The following RFX1 variants were observed in gnomAD, a reference collection of about 807,000 sequenced individuals.
The protein encoded by RFX1 is regulatory factor X1.
RFX1 carries 42 observed loss-of-function variants against 119.6 expected under a neutral mutation model. The ratio of observed to expected loss-of-function variants is 0.35; its 90% CI spans 0.27 to 0.45. The LOEUF is 0.45. Ranked by LOEUF, RFX1 falls within the 20% of genes least tolerant of loss-of-function variation. The pLI is 1.00. For synonymous variants in RFX1, 628 were observed against 618.5 expected (o/e 1.02, Z -0.23); for missense variants, 1,118 against 1,368.1 (o/e 0.82, Z 2.88).
At chr19:14,003,369 C>G (rs1459125338) in intron 1 of RFX1, among the ~76,000 whole-genome samples, 2 of 152,158 alleles carry the variant, frequency 1.3e-5, no homozygotes, top group Non-Finnish European at 2.9e-5. Context: ...TTTCCCACTA[C>G]AAACTGGATC....
chr19:13,963,100 C>G, intron 19 of RFX1, 22 bp downstream of exon 19: 1 of 1,609,866 alleles, frequency 6.2e-7, no homozygotes, highest in Non-Finnish European at 8.5e-7. Context: ...CGCCCGCGCC[C>G]CCAGTGGCCC....
rs759562858 is a variant in RFX1 at position 13,993,543 on chromosome 19, T to C, written c.301A>G (p.Ile101Val). Residue 101 changes from isoleucine (I) to valine (V), a missense_variant, in exon 2 of 21, where the codon ATC becomes GTC. Ile to Val is a conservative substitution (Grantham distance 29). Coordinates refer to ENST00000254325, the MANE Select transcript of RFX1 (RefSeq NM_002918.5). ...CACTTACCAGAGACAGTGACCACGATGTACTGCTGGGGTGCAGGCGAAGGG... is the reference window on the plus strand; with the variant it reads ...CACTTACCAGAGACAGTGACCACGACGTACTGCTGGGGTGCAGGCGAAGGG... ...PTPSPAPQQY[I>V]VVTVSEGAMR... 7 of 1,612,768 alleles carry C rather than the reference T, an allele frequency of 4.3e-6. No homozygotes were observed. The highest frequency in any genetic ancestry group is 5.1e-6 in the Non-Finnish European group (6 of 1,179,488).
rs1173637966 is a variant in RFX1, at chr19:13,963,675, C to T, written c.2433G>A (p.Thr811=). The change falls in exon 18 of 21, where the codon ACG becomes ACA. Residue 811 remains threonine, a synonymous_variant. Coordinates refer to ENST00000254325, the MANE Select transcript of RFX1 (RefSeq NM_002918.5). ...GCTCCAGCGAGTTCTGCTGCTGCAG[C>T]GTCACCTTGAAGTCCTGCTCCAGCC... The part of the protein sequence containing the change: ...VQRLEQDFKV[T]LQQQNSLEQW... 13 of 1,604,276 alleles carry T rather than the reference C, an allele frequency of 8.1e-6. No individual in the cohort carries two copies. In the Admixed American group the frequency reaches 1.0e-4, roughly 12 times the overall value.
At position 13,992,069 on chromosome 19, in the gene RFX1, A is replaced by G. The variant is rs988416384; in HGVS notation, c.319+1456T>C. Reference sequence around the variant, plus strand: ...ATGCCCTGATGATCTCACCCCTTCCATTCCCACTCTGAGAAGGACCAGGGC... The same window carrying G: ...ATGCCCTGATGATCTCACCCCTTCCGTTCCCACTCTGAGAAGGACCAGGGC... On this transcript the variant is annotated intron_variant, in intron 2 of 20. Coordinates refer to ENST00000254325, the MANE Select transcript of RFX1 (RefSeq NM_002918.5). Among the ~76,000 whole-genome samples the G allele has an allele frequency of 1.8e-4, 27 of 151,722 alleles. 1 individual carries two copies. The highest frequency in any genetic ancestry group is 4.6e-4 in the Admixed American group (7 of 15,224).
At chr19:13,976,462 G>A (rs146295133) in intron 8 of RFX1, among the ~76,000 whole-genome samples, 12 of 152,300 alleles carry the variant, frequency 7.9e-5, no homozygotes, top group Non-Finnish European at 1.8e-4. Context: ...ACTGAAGCGG[G>A]GCCAGGACGT....
In RFX1 at chr19:13,983,524, G is replaced by A; in HGVS notation, c.391C>T (p.Pro131Ser). The stretch of plus-strand genomic sequence containing the variant: ...TGCACCTGCTGAACCACCTGAGTAG[G>A]AACGCCGGTCTGGCTGGCGGTGGAG... ...PGSTASQTGV[P>S]TQVVQQVQGT... The change falls in exon 3 of 21, where the codon CCT (proline) becomes TCT (serine). Residue 131 changes from proline to serine, a missense_variant. Physicochemically the swap from Pro to Ser is moderately conservative, Grantham distance 74. Around this residue, in one of 5 missense-constraint regions of RFX1, gnomAD observed 542 missense variants for 602.7 expected, o/e 0.90. Transcript: ENST00000254325. 2 of 1,611,702 alleles carry A rather than the reference G, an allele frequency of 1.2e-6. No individual in the cohort carries two copies. Among genetic ancestry groups the A allele is most frequent in the Non-Finnish European group, 1.7e-6 (2 of 1,179,596 alleles).
intron 1 of RFX1, among the ~76,000 whole-genome samples, chr19:13,994,236 G>T (rs1974911875): frequency 6.6e-6 from 1 of 152,072 alleles, no homozygotes; most frequent in Non-Finnish European, 1.5e-5. Flanking sequence ...GGGCCTGTGT[G>T]GTTGCTCTGT....
Position 13,969,960 on chromosome 19 carries a change from C to T in RFX1, c.1496+34G>A. ...GGGCCTTGGCATGCCCACCAATTCCCCAGGGACTGCTGGGAGTAGACGGAT... is the reference window on the plus strand; with the variant it reads ...GGGCCTTGGCATGCCCACCAATTCCTCAGGGACTGCTGGGAGTAGACGGAT... On this transcript the variant is annotated intron_variant, in intron 10 of 20. Coordinates refer to ENST00000254325, the MANE Select transcript of RFX1 (RefSeq NM_002918.5). The surrounding 1 kb of genome is among the most constrained non-coding windows in gnomAD (Gnocchi z 4.5). The T allele has an allele frequency of 6.4e-7, 1 of 1,569,232 alleles. No homozygotes were observed. The highest frequency in any genetic ancestry group is 8.7e-7 in the Non-Finnish European group (1 of 1,155,098).
Position 13,996,966 on chromosome 19 carries a change from C to T in RFX1, c.-52-3071G>A, listed in dbSNP as rs557509391. On this transcript the variant is annotated intron_variant, in intron 1 of 20. Transcript: ENST00000254325. ...CTTGAACTCCTGACCTCAAGTAATC[C>T]GCCCACCTCGGCCTCCCAAAGTGCT... Among the ~76,000 whole-genome samples, 14 of 152,230 alleles carry T rather than the reference C, an allele frequency of 9.2e-5. No homozygotes were observed. The East Asian group carries it at 2.3e-3, about 25-fold the overall frequency.
chr19:13,989,392 C>T (rs531077656), intron 2 of RFX1, among the ~76,000 whole-genome samples: 30 of 152,130 alleles, frequency 2.0e-4, no homozygotes, highest in African/African-American at 6.0e-4. Context: ...GTTTTTGAGA[C>T]GGAGTTTCAC....
intron 9 of RFX1, among the ~76,000 whole-genome samples, chr19:13,970,638 C>T (rs1047856730): frequency 8.3e-6 from 1 of 120,400 alleles, no homozygotes; most frequent in African/African-American, 3.2e-5. Flanking sequence ...ATACTCCAGC[C>T]TGGATACAGT....
At chr19:14,001,431 TATGGGAA>T (rs1975212814) in intron 1 of RFX1, among the ~76,000 whole-genome samples, 1 of 152,068 alleles carries the variant, frequency 6.6e-6, no homozygotes, top group Admixed American at 6.6e-5. Flanking sequence ...CTCCACAGTA[TATGGGAA>T]CGCAGGCCTG....
At chr19:13,997,345 C>T (rs1008652454) in intron 1 of RFX1, among the ~76,000 whole-genome samples, 1 of 152,238 alleles carries the variant, frequency 6.6e-6, no homozygotes, top group Non-Finnish European at 1.5e-5. Flanking sequence ...TGGCTATCTC[C>T]TAACTGTGTG....
chr19:13,993,580 G>C lies in RFX1; in HGVS notation c.264C>G (p.Thr88=). Residue 88 remains threonine, a synonymous_variant, in exon 2 of 21, where the codon ACC becomes ACG. Transcript: ENST00000254325. ...GTGCAGGCGAAGGGGTGGGTGCACC[G>C]GTTGGCTGCGAGGGTGCGGGTACAG... ...LPAVPAPSQP[T]GAPTPSPAPQ... 6.2e-7 allele frequency: 1 copy of C among 1,612,816 alleles called. No homozygotes were observed. Among genetic ancestry groups the C allele is most frequent in the Non-Finnish European group, 8.5e-7 (1 of 1,179,496 alleles).
In RFX1 at chr19:13,966,249, C is replaced by T. The variant is rs1389548547; in HGVS notation, c.1961+172G>A. On this transcript the variant is annotated intron_variant, in intron 14 of 20. Transcript: ENST00000254325. The surrounding 1 kb of genome is among the most constrained non-coding windows in gnomAD (Gnocchi z 6.3). ...CATGCCTGGGCTTAGTCAGGCACTCCACCCCCGACTGTTGAGTGTCGGGTG... is the reference window on the plus strand; with the variant it reads ...CATGCCTGGGCTTAGTCAGGCACTCTACCCCCGACTGTTGAGTGTCGGGTG... 1.3e-5 allele frequency among the ~76,000 whole-genome samples: 2 copies of T among 152,168 alleles called. No homozygotes were observed. Among genetic ancestry groups the T allele is most frequent in the Non-Finnish European group, 2.9e-5 (2 of 68,022 alleles).
At position 13,978,062 on chromosome 19, in the gene RFX1, C is replaced by T. The variant is rs774889704; in HGVS notation, c.859G>A (p.Val287Ile). Residue 287 changes from valine (V) to isoleucine (I), a missense_variant, in exon 8 of 21, where the codon GTC becomes ATC. Val to Ile is a conservative substitution (Grantham distance 29, BLOSUM62 3). This residue lies in a region of RFX1 where 542 missense variants were observed against 602.7 expected (regional missense o/e 0.90). Coordinates refer to ENST00000254325, the MANE Select transcript of RFX1 (RefSeq NM_002918.5). Reference protein sequence around the residue: ...QEVQQLQQVPVPHVYSSQVQY... With the variant: ...QEVQQLQQVPIPHVYSSQVQY... ...ACCTGGCTGGAGTACACGTGTGGGACGGGCACCTGCTGGAGCTGCTGCACC... is the reference window on the plus strand; with the variant it reads ...ACCTGGCTGGAGTACACGTGTGGGATGGGCACCTGCTGGAGCTGCTGCACC... The T allele has an allele frequency of 1.1e-5, 18 of 1,613,210 alleles. No homozygotes were observed. The highest frequency in any genetic ancestry group is 4.5e-5 in the East Asian group (2 of 44,864).
At chr19:13,988,473 G>A (rs1974686374) in intron 2 of RFX1, among the ~76,000 whole-genome samples, 1 of 152,182 alleles carries the variant, frequency 6.6e-6, no homozygotes, top group South Asian at 2.1e-4. Context: ...CCACACCCAG[G>A]GCGTGGATCA....
rs780581115 is a variant in RFX1 at position 13,980,636 on chromosome 19, C to T, written c.675G>A (p.Thr225=). Residue 225 remains threonine, a synonymous_variant, in exon 6 of 21, where the codon ACG becomes ACA. Transcript: ENST00000254325. This position sits in a 1 kb window ranked among gnomAD's most constrained non-coding sequence, Gnocchi z 5.1. ...CCTGCAGCTGCTGTGGCACTGTGCCCGTGGGGGCCCCGGCTGTCTTGCTGG... is the reference window on the plus strand; with the variant it reads ...CCTGCAGCTGCTGTGGCACTGTGCCTGTGGGGGCCCCGGCTGTCTTGCTGG... ...SSSSKTAGAP[T]GTVPQQLQVH... The T allele has an allele frequency of 3.8e-5, 61 of 1,586,116 alleles. No individual in the cohort carries two copies. Among genetic ancestry groups the T allele is most frequent in the African/African-American group, 5.4e-5 (4 of 74,664 alleles).
intron 1 of RFX1, among the ~76,000 whole-genome samples, chr19:13,996,866 G>A (rs1011540591): frequency 6.6e-6 from 1 of 151,996 alleles, no homozygotes; most frequent in Admixed American, 6.6e-5. Context: ...TGCGACTACA[G>A]GAGCCTACTA....
Sources: allele counts gnomAD v4.1 joint callset (sites outside exome capture counted in the v4.1 genomes callset), GRCh38; gene constraint gnomAD v4.1.1; regional missense constraint gnomAD v4.1.1; non-coding constraint Gnocchi (gnomAD v3.1); transcripts MANE v1.5; gene names NCBI Gene and HGNC (gene_info 2026-07-23, HGNC 2026-07-21).